PDE10A: variants seen among roughly 807,000 people sequenced by gnomAD.
PDE10A encodes phosphodiesterase 10A.
Under a neutral mutation model 97.7 loss-of-function variants are expected in PDE10A, and 39 were observed. That is an observed-to-expected ratio of 0.40 (90% CI 0.31 to 0.52). The LOEUF is 0.52. Among genes scored for constraint, PDE10A ranks in the 20% least tolerant of loss-of-function variants. The pLI is 0.56. For missense variants in PDE10A, 731 were observed against 1,047.8 expected (o/e 0.70, Z 4.17); for synonymous variants, 371 against 376.8 (o/e 0.98, Z 0.18).
At chr6:165,589,555 G>C (rs1390785745) in intron 1 of PDE10A, among the ~76,000 whole-genome samples, 1 of 152,080 alleles carries the variant, frequency 6.6e-6, no homozygotes, top group Admixed American at 6.5e-5. Flanking sequence ...TGGTTTGGGA[G>C]TACATAGGTA....
At chr6:165,586,051 CA>C (rs1283928485) in intron 1 of PDE10A, among the ~76,000 whole-genome samples, 1 of 152,138 alleles carries the variant, frequency 6.6e-6, no homozygotes, top group Non-Finnish European at 1.5e-5. Flanking sequence ...AATCACTAAT[CA>C]ATCTTATTTG....
At chr6:165,938,436 A>G (rs1185298102) in intron 1 of PDE10A, among the ~76,000 whole-genome samples, 1 of 152,242 alleles carries the variant, frequency 6.6e-6, no homozygotes, top group Non-Finnish European at 1.5e-5. Flanking sequence ...TTATACATGC[A>G]ATTTTTAAAT....
Position 165,963,466 on chromosome 6 carries a change from C to T in PDE10A, c.-615+24063G>A, listed in dbSNP as rs532370654. ...AGTTCCGGAGGGAATGCCTGCTGTGCGACCTTCTAGCCATGTGGCCTGCTA... is the reference window on the plus strand; with the variant it reads ...AGTTCCGGAGGGAATGCCTGCTGTGTGACCTTCTAGCCATGTGGCCTGCTA... On this transcript the variant is annotated intron_variant, in intron 1 of 19. Transcript: ENST00000366882. Among the ~76,000 whole-genome samples the T allele has an allele frequency of 2.1e-4, 32 of 152,316 alleles. 1 individual carries two copies. In the East Asian group the frequency reaches 3.9e-3, roughly 18 times the overall value.
intron 1 of PDE10A, among the ~76,000 whole-genome samples, chr6:165,973,408 C>T (rs1171777952): frequency 2.1e-5 from 3 of 140,728 alleles, no homozygotes; most frequent in Admixed American, 7.0e-5. Flanking sequence ...AGTGAAATTC[C>T]GCCTCAAAAA....
chr6:165,585,252 G>A (rs1785838886), intron 1 of PDE10A, among the ~76,000 whole-genome samples: 1 of 152,154 alleles, frequency 6.6e-6, no homozygotes, highest in Non-Finnish European at 1.5e-5. Flanking sequence ...GTCTTTATTT[G>A]GAGATTAGTC....
chr6:165,748,839 C>A (rs963912217), intron 1 of PDE10A, among the ~76,000 whole-genome samples: 1 of 148,830 alleles, frequency 6.7e-6, no homozygotes, highest in Non-Finnish European at 1.5e-5. Flanking sequence ...TGTGTGATTT[C>A]ACTCTCCTGT....
intron 3 of PDE10A, among the ~76,000 whole-genome samples, chr6:165,472,967 AG>A (rs1268122142): frequency 6.6e-6 from 1 of 152,212 alleles, no homozygotes; most frequent in Admixed American, 6.5e-5. Flanking sequence ...CCTTTGACCT[AG>A]TAACCCTGGA....
chr6:165,620,936 G>A (rs12205255), intron 1 of PDE10A, among the ~76,000 whole-genome samples: 17,613 of 151,058 alleles, frequency 0.12, 1,076 homozygotes, highest in Non-Finnish European at 0.13. Context: ...CAGGGGAATC[G>A]ATTGAACCTG....
chr6:165,943,307 G>GAAAA (rs1384742785), intron 1 of PDE10A, among the ~76,000 whole-genome samples: 4 of 106,234 alleles, frequency 3.8e-5, no homozygotes, highest in Non-Finnish European at 7.3e-5. Flanking sequence ...AAGAAAGAAA[G>GAAAA]AAGGAAGGAA....
At chr6:165,574,745 C>T (rs771442914) in intron 1 of PDE10A, among the ~76,000 whole-genome samples, 2 of 152,152 alleles carry the variant, frequency 1.3e-5, no homozygotes, top group Non-Finnish European at 2.9e-5. Flanking sequence ...TGATTTACAA[C>T]TATCTCAAAC....
At chr6:165,465,394 G>A (rs1028124427) in intron 3 of PDE10A, among the ~76,000 whole-genome samples, 5 of 152,170 alleles carry the variant, frequency 3.3e-5, no homozygotes, top group Non-Finnish European at 5.9e-5. Context: ...GTCTATCCTA[G>A]CACTATGGGG....
intron 1 of PDE10A, among the ~76,000 whole-genome samples, chr6:165,554,690 A>G (rs558874838): frequency 1.3e-5 from 2 of 152,222 alleles, no homozygotes; most frequent in South Asian, 4.2e-4. Context: ...GGAAATCAGT[A>G]TATCGATGAG....
At chr6:165,764,929 C>G (rs371189666) in intron 1 of PDE10A, among the ~76,000 whole-genome samples, 1 of 151,968 alleles carries the variant, frequency 6.6e-6, no homozygotes, top group African/African-American at 2.4e-5. Flanking sequence ...TTTGACAGGG[C>G]ACTGATTGGT....
intron 2 of PDE10A, among the ~76,000 whole-genome samples, chr6:165,531,530 C>T (rs1782776882): frequency 6.6e-6 from 1 of 152,020 alleles, no homozygotes; most frequent in African/African-American, 2.4e-5. Flanking sequence ...GTTCATTATC[C>T]TTTGAACAAA....
chr6:165,683,787 G>A (rs535301485), intron 1 of PDE10A, among the ~76,000 whole-genome samples: 139 of 152,210 alleles, frequency 9.1e-4, no homozygotes, highest in Non-Finnish European at 1.6e-3. Flanking sequence ...GTACGTCACC[G>A]ATTGAAAATG....
At chr6:165,647,422 G>A (rs1789456533) in intron 1 of PDE10A, among the ~76,000 whole-genome samples, 1 of 152,242 alleles carries the variant, frequency 6.6e-6, no homozygotes, top group African/African-American at 2.4e-5. Flanking sequence ...GAGGGCAGAG[G>A]TGAATTCTTT....
rs551382652 is a variant in PDE10A, at chr6:165,476,163, G to T, written c.1023+6152C>A. ...GACTCCTCAACACATAAGACAAAAAGAAGAAAAAAAAAAACCAAAAATATC... is the reference window on the plus strand; with the variant it reads ...GACTCCTCAACACATAAGACAAAAATAAGAAAAAAAAAAACCAAAAATATC... On this transcript the variant is annotated intron_variant, in intron 3 of 21. Transcript: ENST00000539869. Among the ~76,000 whole-genome samples, 339 of 146,472 alleles carry T rather than the reference G, an allele frequency of 2.3e-3. 1 individual carries two copies. Among genetic ancestry groups the T allele is most frequent in the Non-Finnish European group, 4.2e-3 (279 of 66,332 alleles).
intron 3 of PDE10A, among the ~76,000 whole-genome samples, chr6:165,471,297 A>C (rs953812770): frequency 2.0e-5 from 3 of 152,092 alleles, no homozygotes; most frequent in African/African-American, 7.2e-5. Flanking sequence ...CAGGCTTCTA[A>C]ATGTTATGTT....
Position 165,794,838 on chromosome 6 carries a change from C to T in PDE10A, c.-615+192691G>A, listed in dbSNP as rs561319162. Among the ~76,000 whole-genome samples the T allele has an allele frequency of 3.9e-5, 6 of 152,228 alleles. No homozygotes were observed. The South Asian group carries it at 8.3e-4, about 21-fold the overall frequency. ...TCGTTTAATTTTATCAATAGTTGGG[C>T]GTAAGTAAAACTTTCTTGAATAGGA... On this transcript the variant is annotated intron_variant, in intron 1 of 19. Transcript: ENST00000366882.
Sources: gnomAD v4.1 joint callset for allele counts (sites outside exome capture counted in the v4.1 genomes callset) on GRCh38, gnomAD v4.1.1 for gene constraint, MANE v1.5 for transcripts, NCBI Gene and HGNC (gene_info 2026-07-23, HGNC 2026-07-21) for gene names.